ANKRD30A: variants seen among roughly 807,000 people sequenced by gnomAD.
ANKRD30A encodes ankyrin repeat domain-containing protein 30A.
Under a neutral mutation model 166.3 loss-of-function variants are expected in ANKRD30A, and 170 were observed. The ratio of observed to expected loss-of-function variants is 1.02; its 90% CI spans 0.90 to 1.16. ANKRD30A has a LOEUF of 1.16. Among genes scored for constraint, ANKRD30A ranks in the 50% most tolerant of loss-of-function variants. The pLI is 0.00. For synonymous variants in ANKRD30A, 564 were observed against 508.9 expected, an observed-to-expected ratio of 1.11 and a Z score of -1.46; for missense variants, 1,630 against 1,518.0, an observed-to-expected ratio of 1.07 and a Z score of -1.23.
the ANKRD30A span, among the ~76,000 whole-genome samples, chr10:37,263,784 G>A: frequency 6.6e-6 from 1 of 152,138 alleles, no homozygotes; most frequent in Admixed American, 6.5e-5. Context: ...TCCATGGCCT[G>A]TGTCGTGGGT....
intron 15 of ANKRD30A, 146 bp downstream of exon 15, chr10:37,158,732 T>C: frequency 1.5e-6 from 2 of 1,292,330 alleles, no homozygotes; most frequent in Non-Finnish European, 2.1e-6. Flanking sequence ...AGTATTTCTG[T>C]TTGAGAAAAT....
chr10:37,217,382 G>A (rs375530320), intron 32 of ANKRD30A, among the ~76,000 whole-genome samples: 30 of 150,898 alleles, frequency 2.0e-4, no homozygotes, highest in African/African-American at 5.8e-4. Flanking sequence ...TTTTGACTGC[G>A]TGAGATTTTT....
chr10:37,157,502 T>A (rs1263694476), intron 13 of ANKRD30A, among the ~76,000 whole-genome samples: 4 of 152,260 alleles, frequency 2.6e-5, no homozygotes, highest in South Asian at 4.1e-4. Flanking sequence ...AGTAGCTGGG[T>A]TTACAGGCAT....
the ANKRD30A span, among the ~76,000 whole-genome samples, chr10:37,257,207 G>T: frequency 6.6e-6 from 1 of 151,842 alleles, no homozygotes; most frequent in African/African-American, 2.4e-5. Flanking sequence ...ATTCTCTGAT[G>T]GTAGTTTTTA....
rs772002008 is a variant in ANKRD30A at position 37,218,947 on chromosome 10, G to A, written c.3268-33G>A. The stretch of plus-strand genomic sequence containing the variant: ...GAACCATGATATGCCATTTTATTGA[G>A]TGCTAGCTAAAAGTTTATTTTGTTT... On this transcript the variant is annotated intron_variant, in intron 33 of 35. Transcript: ENST00000361713. The A allele has an allele frequency of 4.3e-6, 6 of 1,382,416 alleles. No homozygotes were observed. The South Asian group carries it at 8.3e-5, about 19-fold the overall frequency. The allele number at this position is 1,382,416 out of a possible 1,614,324, so 85.6% of individuals were successfully genotyped here.
chr10:37,244,154 G>A, the ANKRD30A span, among the ~76,000 whole-genome samples: 1 of 152,124 alleles, frequency 6.6e-6, no homozygotes, highest in African/African-American at 2.4e-5. Flanking sequence ...GCAGTTTTGG[G>A]TGCCAGGAGG....
At chr10:37,254,498 C>T in the ANKRD30A span, among the ~76,000 whole-genome samples, 2 of 151,902 alleles carry the variant, frequency 1.3e-5, no homozygotes, top group East Asian at 1.9e-4. Flanking sequence ...TGCACTTATT[C>T]GACACTTATA....
chr10:37,149,534 A>G (rs1335855688), intron 9 of ANKRD30A, 117 bp from the exon 10 acceptor site: 4 of 1,274,360 alleles, frequency 3.1e-6, no homozygotes, highest in Non-Finnish European at 4.4e-6. Flanking sequence ...TTCCAAATCT[A>G]AAGTATTCGT....
the ANKRD30A span, among the ~76,000 whole-genome samples, chr10:37,259,124 G>A: frequency 6.6e-6 from 1 of 151,950 alleles, no homozygotes; most frequent in Non-Finnish European, 1.5e-5. Context: ...TTTGTATTAA[G>A]AAAGTCATGA....
intron 13 of ANKRD30A, among the ~76,000 whole-genome samples, chr10:37,156,039 C>G (rs1335708764): frequency 6.6e-6 from 1 of 151,252 alleles, no homozygotes; most frequent in Non-Finnish European, 1.5e-5. Flanking sequence ...CAAGATCTCG[C>G]CAGTGCACTC....
At chr10:37,196,669 A>T (rs1841148352) in intron 27 of ANKRD30A, among the ~76,000 whole-genome samples, 1 of 152,092 alleles carries the variant, frequency 6.6e-6, no homozygotes, top group East Asian at 1.9e-4. Flanking sequence ...GATTATTTCC[A>T]TGATGAGTTT....
At chr10:37,159,544 A>G (rs1160406428) in intron 15 of ANKRD30A, among the ~76,000 whole-genome samples, 1 of 152,022 alleles carries the variant, frequency 6.6e-6, no homozygotes, top group Non-Finnish European at 1.5e-5. Context: ...ACAAAAACTC[A>G]CAACATGTAT....
chr10:37,257,488 G>A, the ANKRD30A span, among the ~76,000 whole-genome samples: 15,328 of 152,116 alleles, frequency 0.1, 841 homozygotes, highest in Middle Eastern at 0.15. Context: ...TAACTGTGAT[G>A]TTAGGGGGTC....
In ANKRD30A at chr10:37,216,229, G is replaced by T; in HGVS notation, c.2918G>T (p.Arg973Ile). 2.5e-6 allele frequency: 4 copies of T among 1,607,458 alleles called. No homozygotes were observed. Among genetic ancestry groups the T allele is most frequent in the Non-Finnish European group, 3.4e-6 (4 of 1,175,434 alleles). The change falls in exon 32 of 36, where the codon AGA becomes ATA. Residue 973 changes from arginine (R) to isoleucine (I), a missense_variant. Around this residue, in one of 4 missense-constraint regions of ANKRD30A, gnomAD observed 712 missense variants for 629.3 expected, o/e 1.13. Transcript: ENST00000361713. Reference sequence around the variant, plus strand: ...TTGGATACAGTTCATTCTTGTGAAAGAGCAAGGGAACTTCAAAAAGATCAC... The same window carrying T: ...TTGGATACAGTTCATTCTTGTGAAATAGCAAGGGAACTTCAAAAAGATCAC... ...KILDTVHSCE[R>I]ARELQKDHCE...
At chr10:37,193,744 A>G (rs938351873) in intron 27 of ANKRD30A, among the ~76,000 whole-genome samples, 3 of 152,156 alleles carry the variant, frequency 2.0e-5, no homozygotes, top group African/African-American at 7.2e-5. Flanking sequence ...TCAGTCAAGC[A>G]ATCATTACTT....
At chr10:37,130,522 TTTAAATA>T in intron 3 of ANKRD30A, 144 bp downstream of exon 3, 3 of 577,608 alleles carry the variant, frequency 5.2e-6, no homozygotes, top group Non-Finnish European at 7.8e-6. Flanking sequence ...AAGATTTTAC[TTTAAATA>T]TTAATGTTTT....
intron 15 of ANKRD30A, among the ~76,000 whole-genome samples, chr10:37,159,084 C>G (rs1325903880): frequency 1.3e-5 from 2 of 152,090 alleles, no homozygotes; most frequent in Non-Finnish European, 2.9e-5. Context: ...CTTGATGACT[C>G]TTTGCTAGAC....
chr10:37,197,326 T>G lies in ANKRD30A; in HGVS notation c.2643+17T>G. The G allele has an allele frequency of 6.2e-7, 1 of 1,613,428 alleles. No individual in the cohort carries two copies. The highest frequency in any genetic ancestry group is 8.5e-7 in the Non-Finnish European group (1 of 1,179,794). On this transcript the variant is annotated intron_variant, in intron 28 of 35. Coordinates refer to ENST00000361713, the MANE Select transcript of ANKRD30A (RefSeq NM_052997.3). ...GCCTTCGAGGTATTTAGTTTTATGA[T>G]TTCATTTTGAATGACTTATTAACTA...
chr10:37,165,031 T>A, intron 17 of ANKRD30A, 63 bp from the exon 18 acceptor site: 1 of 1,497,648 alleles, frequency 6.7e-7, no homozygotes. Flanking sequence ...GATTTGTATA[T>A]GTTTTTAAAA....
Sources: gnomAD v4.1 joint callset for allele counts (sites outside exome capture counted in the v4.1 genomes callset) on GRCh38, gnomAD v4.1.1 for gene constraint, gnomAD v4.1.1 regional missense constraint, MANE v1.5 for transcripts, NCBI Gene and HGNC (gene_info 2026-07-23, HGNC 2026-07-21) for gene names.